The following AFF2 variants were observed in gnomAD, a reference collection of about 807,000 sequenced individuals.
AFF2 encodes AF4/FMR2 family member 2.
AFF2 carries 14 observed loss-of-function variants against 76.9 expected under a neutral mutation model. That is an observed-to-expected ratio of 0.18 (90% CI 0.12 to 0.28). AFF2 has a LOEUF of 0.28. Among genes scored for constraint, AFF2 ranks in the 10% least tolerant of loss-of-function variants. The pLI is 1.00. For synonymous variants in AFF2, 398 were observed against 366.7 expected (o/e 1.09, Z -0.98); for missense variants, 868 against 1,001.1 (o/e 0.87, Z 1.79).
At chrX:148,984,612 C>G (rs2072441184) in intron 19 of AFF2, among the ~76,000 whole-genome samples, 1 of 111,856 alleles carries the variant, frequency 8.9e-6, no homozygotes, top group South Asian at 3.8e-4. Context: ...GGTGTGAGAA[C>G]AGTAACAATT....
chrX:148,960,122 C>T (rs2072091652), intron 12 of AFF2, among the ~76,000 whole-genome samples: 1 of 112,912 alleles, frequency 8.9e-6, no homozygotes, highest in African/African-American at 3.2e-5. Context: ...GAGCAGGGAG[C>T]TTGGAGAACA....
chrX:148,574,943 GGTGTGTGTGTGT>G lies in AFF2; in HGVS notation c.47+73831_47+73842del, dbSNP rs781819721. 4.0e-3 allele frequency among the ~76,000 whole-genome samples: 385 copies of G among 95,526 alleles called. 1 individual carries two copies. Among genetic ancestry groups the G allele is most frequent in the Non-Finnish European group, 6.1e-3 (291 of 47,914 alleles). The allele number at this position is 95,526 out of a possible 115,157, so 83.0% of individuals were successfully genotyped here. ...TTCATAAATACATACATAGTGCTGG[GGTGTGTGTGTGT>G]GTGTGTGTGTGTGTGTGTGTGTGTG... On this transcript the variant is annotated intron_variant, in intron 1 of 20. Transcript: ENST00000370460.
intron 4 of AFF2, among the ~76,000 whole-genome samples, chrX:148,837,421 G>C (rs1466428704): frequency 9.0e-6 from 1 of 111,684 alleles, no homozygotes; most frequent in Non-Finnish European, 1.9e-5. Context: ...ATAGCCTGAT[G>C]ATGCTGTCTC....
At position 148,693,878 on chromosome X, in the gene AFF2, A is replaced by G. The variant is rs988767005; in HGVS notation, c.1041+31110A>G. On this transcript the variant is annotated intron_variant, in intron 3 of 20. Coordinates refer to ENST00000370460, the MANE Select transcript of AFF2 (RefSeq NM_002025.4). ...ACTTCCTTTCCTCTTGCCATACTTCAAAGTGAAAGTAAAAAGCTGAGTCCC... is the reference window on the plus strand; with the variant it reads ...ACTTCCTTTCCTCTTGCCATACTTCGAAGTGAAAGTAAAAAGCTGAGTCCC... Among the ~76,000 whole-genome samples the G allele has an allele frequency of 6.3e-5, 7 of 111,846 alleles. No individual in the cohort carries two copies. The Admixed American group carries it at 6.6e-4, about 11-fold the overall frequency.
At chrX:148,805,250 CTT>C (rs2070114043) in intron 3 of AFF2, among the ~76,000 whole-genome samples, 1 of 111,157 alleles carries the variant, frequency 9.0e-6, no homozygotes, top group African/African-American at 3.3e-5. Flanking sequence ...TGCAATTAAA[CTT>C]TTGATTTTTA....
chrX:148,533,894 T>C (rs1427895204), intron 1 of AFF2, among the ~76,000 whole-genome samples: 1 of 112,127 alleles, frequency 8.9e-6, no homozygotes, highest in Non-Finnish European at 1.9e-5. Flanking sequence ...CAATATTTAT[T>C]ACTTAATATC....
In AFF2 at chrX:148,996,714, A is replaced by G. The variant is rs782772091; in HGVS notation, c.*5382A>G. ...GGAAGCCTAGGTTTTAAGCAGGAGA[A>G]TAGCTGAGAAGAATGAAGCCCTCCT... On this transcript the variant is annotated 3_prime_UTR_variant, in exon 21 of 21. Coordinates refer to ENST00000370460, the MANE Select transcript of AFF2 (RefSeq NM_002025.4). The G allele has an allele frequency of 5.3e-5, 6 of 112,256 alleles. No individual in the cohort carries two copies. In the East Asian group the frequency reaches 1.1e-3, roughly 21 times the overall value. The allele number at this position is 112,256 out of a possible 1,213,427, so 9.3% of individuals were successfully genotyped here.
intron 1 of AFF2, among the ~76,000 whole-genome samples, chrX:148,577,201 A>AG (rs1557243601): frequency 1.3e-4 from 15 of 111,838 alleles, no homozygotes; most frequent in African/African-American, 4.9e-4. Flanking sequence ...GACCTGCTCT[A>AG]TTAGACCAGT....
At chrX:148,819,392 G>T (rs1388501290) in intron 4 of AFF2, among the ~76,000 whole-genome samples, 2 of 111,186 alleles carry the variant, frequency 1.8e-5, no homozygotes, top group African/African-American at 6.5e-5. Flanking sequence ...GTACCATTTT[G>T]CACTTACACC....
intron 1 of AFF2, among the ~76,000 whole-genome samples, chrX:148,590,954 A>G (rs2053516927): frequency 8.9e-6 from 1 of 111,828 alleles, no homozygotes; most frequent in African/African-American, 3.3e-5. Context: ...GTGGTTTATT[A>G]TATAATCCTG....
chrX:148,800,243 TC>T (rs2070039293), intron 3 of AFF2, among the ~76,000 whole-genome samples: 1 of 111,900 alleles, frequency 8.9e-6, no homozygotes, highest in Non-Finnish European at 1.9e-5. Flanking sequence ...TTCAGTGTCA[TC>T]CACTGGCAAT....
At chrX:148,741,782 G>A (rs1431662203) in intron 3 of AFF2, among the ~76,000 whole-genome samples, 3 of 111,279 alleles carry the variant, frequency 2.7e-5, no homozygotes, top group African/African-American at 9.8e-5. Flanking sequence ...GCAAGAATGG[G>A]CTGCTTGGGG....
chrX:148,511,393 C>T (rs1557233098), intron 1 of AFF2, among the ~76,000 whole-genome samples: 3 of 111,871 alleles, frequency 2.7e-5, no homozygotes, highest in African/African-American at 9.8e-5. Flanking sequence ...GCTAGATGCC[C>T]GTTTGCTTAA....
intron 3 of AFF2, among the ~76,000 whole-genome samples, chrX:148,692,987 C>T (rs1440942892): frequency 9.0e-6 from 1 of 111,050 alleles, no homozygotes; most frequent in Non-Finnish European, 1.9e-5. Context: ...GGCGCGATCT[C>T]GGCTCACTAC....
chrX:148,676,623 G>A (rs782679535), intron 3 of AFF2, among the ~76,000 whole-genome samples: 3 of 112,031 alleles, frequency 2.7e-5, no homozygotes, highest in Non-Finnish European at 5.6e-5. Flanking sequence ...AGCAGACAAA[G>A]AATAGCTATC....
At chrX:148,839,144 A>G (rs2070565425) in intron 5 of AFF2, among the ~76,000 whole-genome samples, 1 of 112,394 alleles carries the variant, frequency 8.9e-6, no homozygotes, top group Non-Finnish European at 1.9e-5. Context: ...ATACAATAGA[A>G]CTGTTGTTTA....
intron 9 of AFF2, among the ~76,000 whole-genome samples, chrX:148,913,303 G>A (rs1419168657): frequency 8.9e-6 from 1 of 111,827 alleles, no homozygotes; most frequent in Admixed American, 9.4e-5. Flanking sequence ...ATGTGTTATT[G>A]GTTTTTTCAG....
chrX:148,720,486 C>A (rs1324637102), intron 3 of AFF2, among the ~76,000 whole-genome samples: 2 of 110,421 alleles, frequency 1.8e-5, no homozygotes, highest in African/African-American at 6.6e-5. Context: ...CCCCTTTGGG[C>A]TTATGAGTAT....
intron 1 of AFF2, among the ~76,000 whole-genome samples, chrX:148,632,374 G>C (rs1239081514): frequency 9.0e-6 from 1 of 111,415 alleles, no homozygotes; most frequent in Non-Finnish European, 1.9e-5. Context: ...TGGGTGTGTA[G>C]AATTCAAAAT....
Sources: allele counts gnomAD v4.1 joint callset (sites outside exome capture counted in the v4.1 genomes callset), GRCh38; gene constraint gnomAD v4.1.1; transcripts MANE v1.5; gene names NCBI Gene and HGNC (gene_info 2026-07-23, HGNC 2026-07-21).